PLCZ1: variants seen among roughly 807,000 people sequenced by gnomAD.
PLCZ1 encodes 1-phosphatidylinositol 4,5-bisphosphate phosphodiesterase zeta-1.
Under a neutral mutation model 76.8 loss-of-function variants are expected in PLCZ1, and 64 were observed. That is an observed-to-expected ratio of 0.83 (90% CI 0.68 to 1.03). PLCZ1 has a LOEUF of 1.03. PLCZ1 is among the 50% of genes least tolerant of loss of function. The pLI is 0.00. For missense variants in PLCZ1, 751 were observed against 713.7 expected, an observed-to-expected ratio of 1.05 and a Z score of -0.60; for synonymous variants, 248 against 230.8, an observed-to-expected ratio of 1.07 and a Z score of -0.68.
At chr12:18,671,405 G>A in the PLCZ1 span, among the ~76,000 whole-genome samples, 3 of 152,034 alleles carry the variant, frequency 2.0e-5, no homozygotes, top group Non-Finnish European at 4.4e-5. Flanking sequence ...ACGAGAGCCT[G>A]GCCCCTTTGT....
At chr12:18,646,806 C>A in the PLCZ1 span, among the ~76,000 whole-genome samples, 1 of 152,046 alleles carries the variant, frequency 6.6e-6, no homozygotes. Flanking sequence ...TAACTAATTT[C>A]TTAGCGGTAC....
At chr12:18,660,149 A>T in the PLCZ1 span, among the ~76,000 whole-genome samples, 1 of 152,076 alleles carries the variant, frequency 6.6e-6, no homozygotes, top group South Asian at 2.1e-4. Flanking sequence ...CCAGGAGAGG[A>T]CCTGGATAGT....
chr12:18,696,287 C>T (rs777460793), intron 10 of PLCZ1, 21 bp from the exon 11 acceptor site: 25 of 1,074,754 alleles, frequency 2.3e-5, no homozygotes, highest in Admixed American at 6.4e-5. Context: ...ATAATTAAAA[C>T]ATTGTGAAAG....
At chr12:18,681,186 T>C (rs1952375862), downstream of PLCZ1, among the ~76,000 whole-genome samples, 1 of 151,936 alleles carries the variant, frequency 6.6e-6, no homozygotes, top group South Asian at 2.1e-4. Context: ...CTAGCAACAC[T>C]AAAGTCTGGC....
chr12:18,711,468 G>A (rs533998433), intron 6 of PLCZ1, among the ~76,000 whole-genome samples: 1 of 150,056 alleles, frequency 6.7e-6, no homozygotes, highest in African/African-American at 2.5e-5. Flanking sequence ...ACACCAACAT[G>A]GCACATGTAT....
At chr12:18,699,452 G>C (rs1955585223) in intron 10 of PLCZ1, among the ~76,000 whole-genome samples, 2 of 152,062 alleles carry the variant, frequency 1.3e-5, no homozygotes, top group African/African-American at 2.4e-5. Context: ...TCGCTTCCAG[G>C]ACAAAGTTCA....
intron 12 of PLCZ1, chr12:18,693,591 G>C: frequency 6.3e-7 from 1 of 1,590,232 alleles, no homozygotes; most frequent in Non-Finnish European, 8.6e-7. Context: ...GAATTGTTTC[G>C]AGTTGCTGAA....
chr12:18,732,754 T>C (rs1959125456), intron 3 of PLCZ1, among the ~76,000 whole-genome samples: 2 of 152,232 alleles, frequency 1.3e-5, no homozygotes, highest in South Asian at 2.1e-4. Flanking sequence ...TTTCCCTTAA[T>C]ATAATGTCCT....
the PLCZ1 span, among the ~76,000 whole-genome samples, chr12:18,674,799 C>T: frequency 6.6e-6 from 1 of 152,138 alleles, no homozygotes; most frequent in South Asian, 2.1e-4. Context: ...TATGGTATGA[C>T]TTCCATGCTC....
At chr12:18,670,210 G>C in the PLCZ1 span, among the ~76,000 whole-genome samples, 4 of 152,042 alleles carry the variant, frequency 2.6e-5, no homozygotes, top group African/African-American at 9.7e-5. Context: ...AAAATGAAAT[G>C]CTTTAGGAAA....
chr12:18,730,255 A>G (rs952393229), intron 3 of PLCZ1, among the ~76,000 whole-genome samples: 11 of 152,154 alleles, frequency 7.2e-5, no homozygotes, highest in African/African-American at 2.4e-4. Flanking sequence ...AAAATTAGCA[A>G]CAAGAGTTGA....
chr12:18,701,871 C>A, intron 7 of PLCZ1, 95 bp from the exon 8 acceptor site: 1 of 1,501,940 alleles, frequency 6.7e-7, no homozygotes, highest in Admixed American at 2.1e-5. Context: ...TTCCAATTAG[C>A]CTACAGTAAT....
intron 3 of PLCZ1, among the ~76,000 whole-genome samples, chr12:18,735,215 T>A (rs1176394601): frequency 6.6e-6 from 1 of 152,222 alleles, no homozygotes; most frequent in East Asian, 1.9e-4. Context: ...AAAGTTTTGT[T>A]TTCTTGTGGT....
chr12:18,688,213 G>A lies in PLCZ1; in HGVS notation c.1467C>T (p.Ile489=), dbSNP rs751542588. The A allele has an allele frequency of 1.7e-5, 27 of 1,607,412 alleles. No homozygotes were observed. In the East Asian group the frequency reaches 5.6e-4, roughly 33 times the overall value. The change falls in exon 13 of 15, where the codon ATC becomes ATT. Residue 489 remains isoleucine, a synonymous_variant. Transcript: ENST00000266505. ...GAGTAAGAGGCAACTGGATACCACTGATGAGCTGCACAAATATATATGAAT... is the reference window on the plus strand; with the variant it reads ...GAGTAAGAGGCAACTGGATACCACTAATGAGCTGCACAAATATATATGAAT... The part of the protein sequence containing the change: ...GMPITLTIRL[I]SGIQLPLTHS...
chr12:18,685,693 C>T (rs1369166843), intron 13 of PLCZ1: 2 of 511,226 alleles, frequency 3.9e-6, no homozygotes, highest in Admixed American at 3.9e-5. Context: ...GGTACAGAGG[C>T]AGGTTTAGAG....
At chr12:18,663,227 C>G in the PLCZ1 span, among the ~76,000 whole-genome samples, 1 of 151,918 alleles carries the variant, frequency 6.6e-6, no homozygotes, top group East Asian at 1.9e-4. Context: ...CTATCCAGAG[C>G]AGTTAGGCAA....
chr12:18,713,372 A>T (rs1957571864), intron 5 of PLCZ1, among the ~76,000 whole-genome samples: 1 of 152,180 alleles, frequency 6.6e-6, no homozygotes, highest in Non-Finnish European at 1.5e-5. Context: ...ACCATTCAAA[A>T]GTGATAATGT....
chr12:18,696,017 A>G, intron 11 of PLCZ1, 133 bp downstream of exon 11: 1 of 563,444 alleles, frequency 1.8e-6, no homozygotes, highest in Non-Finnish European at 3.2e-6. Context: ...ACCCACCATT[A>G]GTGCCTGACC....
At chr12:18,650,347 A>ATGATATATATG in the PLCZ1 span, among the ~76,000 whole-genome samples, 2 of 114,544 alleles carry the variant, frequency 1.7e-5, no homozygotes, top group Non-Finnish European at 3.7e-5. Context: ...ATATATATAT[A>ATGATATATATG]TGTGTGTGTG....
Sources: allele counts gnomAD v4.1 joint callset (sites outside exome capture counted in the v4.1 genomes callset), GRCh38; gene constraint gnomAD v4.1.1; transcripts MANE v1.5; gene names NCBI Gene and HGNC (gene_info 2026-07-23, HGNC 2026-07-21).